DPP6: variants seen among roughly 807,000 people sequenced by gnomAD.
The protein encoded by DPP6 is dipeptidyl peptidase like 6.
A neutral mutation model predicts 122.6 loss-of-function variants in DPP6; 69 were observed. That is an observed-to-expected ratio of 0.56 (90% confidence interval 0.46 to 0.69). DPP6 has a LOEUF of 0.69. DPP6 is among the 30% of genes least tolerant of loss of function. The pLI is 0.00. For synonymous variants in DPP6, 418 were observed against 433.1 expected (o/e 0.97, Z 0.43); for missense variants, 928 against 1,116.9 (o/e 0.83, Z 2.41).
the DPP6 span, among the ~76,000 whole-genome samples, chr7:153,846,276 G>A: frequency 6.6e-6 from 1 of 152,142 alleles, no homozygotes; most frequent in Non-Finnish European, 1.5e-5. Context: ...ATTCCCAGAA[G>A]TGTCTGTTCA....
chr7:154,046,603 A>G (rs769015514), intron 1 of DPP6, among the ~76,000 whole-genome samples: 19 of 152,210 alleles, frequency 1.2e-4, no homozygotes, highest in Non-Finnish European at 2.5e-4. Flanking sequence ...GTCCCACTGA[A>G]CATCTGAAAA....
intron 21 of DPP6, chr7:154,884,051 T>C (rs1805805920): frequency 1.5e-5 from 1 of 68,108 alleles, no homozygotes. Flanking sequence ...TGCTCACACA[T>C]ACCCATACAT....
At chr7:154,687,877 A>G (rs932008007) in intron 7 of DPP6, among the ~76,000 whole-genome samples, 6 of 152,200 alleles carry the variant, frequency 3.9e-5, no homozygotes, top group East Asian at 1.9e-4. Flanking sequence ...GCTTACAATT[A>G]TCTTTCCCTA....
At chr7:153,888,356 C>T (rs887095543) in intron 1 of DPP6, among the ~76,000 whole-genome samples, 11 of 152,236 alleles carry the variant, frequency 7.2e-5, no homozygotes, top group African/African-American at 2.2e-4. Flanking sequence ...GGCCGCGTGC[C>T]TGGAAACGCG....
At chr7:153,860,453 C>A in the DPP6 span, among the ~76,000 whole-genome samples, 1 of 152,132 alleles carries the variant, frequency 6.6e-6, no homozygotes, top group Admixed American at 6.5e-5. Context: ...TTGCACCCAA[C>A]TCCCTGCCCA....
At chr7:154,722,205 C>T (rs1402351450) in intron 7 of DPP6, among the ~76,000 whole-genome samples, 1 of 152,174 alleles carries the variant, frequency 6.6e-6, no homozygotes, top group Non-Finnish European at 1.5e-5. Flanking sequence ...CCAAAAACAA[C>T]AACAACAAAA....
chr7:153,922,849 C>T (rs1253703782), intron 1 of DPP6, among the ~76,000 whole-genome samples: 5 of 152,214 alleles, frequency 3.3e-5, no homozygotes, highest in South Asian at 2.1e-4. Flanking sequence ...AGCACTCTGA[C>T]GTGTCTGACA....
At chr7:154,645,808 C>T (rs1372674298) in intron 6 of DPP6, among the ~76,000 whole-genome samples, 2 of 152,012 alleles carry the variant, frequency 1.3e-5, no homozygotes, top group Non-Finnish European at 2.9e-5. Flanking sequence ...GCGGGTGGAT[C>T]ACAAAGTCAG....
chr7:154,156,207 G>A (rs1237688875), intron 1 of DPP6, among the ~76,000 whole-genome samples: 1 of 152,256 alleles, frequency 6.6e-6, no homozygotes, highest in African/African-American at 2.4e-5. Flanking sequence ...CCAGGAGAGT[G>A]GGGAGGTGAG....
intron 1 of DPP6, among the ~76,000 whole-genome samples, chr7:154,298,257 T>C (rs926312042): frequency 2.0e-5 from 2 of 98,596 alleles, no homozygotes; most frequent in Non-Finnish European, 4.6e-5. Context: ...TAAAAATCTG[T>C]CTCTCTCTCT....
At chr7:154,726,432 AGACTTGG>A (rs1293471978) in intron 7 of DPP6, among the ~76,000 whole-genome samples, 13 of 152,336 alleles carry the variant, frequency 8.5e-5, no homozygotes, top group Middle Eastern at 3.4e-3. Context: ...GAAGCCACCA[AGACTTGG>A]GGCTTGCACC....
chr7:154,581,381 C>T (rs1447933781), intron 5 of DPP6, among the ~76,000 whole-genome samples: 2 of 152,026 alleles, frequency 1.3e-5, no homozygotes, highest in Non-Finnish European at 2.9e-5. Flanking sequence ...GAGTAAAGAG[C>T]CTGGAAGGGC....
At position 154,650,074 on chromosome 7, in the gene DPP6, T is replaced by C. The variant is rs529938481; in HGVS notation, c.680+12201T>C. On this transcript the variant is annotated intron_variant, in intron 6 of 25. Transcript: ENST00000377770. ...GTGATTCATGCCTATAATCCCAGCA[T>C]TTGGGGAGGTCAACGTGGGAGGATC... Among the ~76,000 whole-genome samples, 8 of 152,210 alleles carry C rather than the reference T, an allele frequency of 5.3e-5. No individual in the cohort carries two copies. In the South Asian group the frequency reaches 1.7e-3, roughly 32 times the overall value.
chr7:153,796,789 G>A, the DPP6 span, among the ~76,000 whole-genome samples: 15 of 152,176 alleles, frequency 9.9e-5, no homozygotes, highest in East Asian at 5.8e-4. Flanking sequence ...GCAGTACTCC[G>A]TGTATATCAT....
intron 1 of DPP6, among the ~76,000 whole-genome samples, chr7:154,431,451 CTTTTCTTTTCTTTTCTTTTCTT>C (rs1316756066): frequency 0.027 from 402 of 14,972 alleles, 23 homozygotes; most frequent in South Asian, 0.078. Flanking sequence ...CCTTTCTTTT[CTTTTCTTTTCTTTTCTTTTCTT>C]TTCTTTTCTT....
chr7:153,859,782 C>T, the DPP6 span, among the ~76,000 whole-genome samples: 1 of 152,132 alleles, frequency 6.6e-6, no homozygotes, highest in Non-Finnish European at 1.5e-5. Context: ...TGGCAGAAGG[C>T]ACCTCTTCAC....
At chr7:154,823,228 C>G (rs1339688065) in intron 16 of DPP6, among the ~76,000 whole-genome samples, 1 of 152,082 alleles carries the variant, frequency 6.6e-6, no homozygotes, top group Non-Finnish European at 1.5e-5. Context: ...ATTTTTTAAA[C>G]AGAAATGTTG....
chr7:154,531,188 A>G (rs1827812898), intron 3 of DPP6, among the ~76,000 whole-genome samples: 1 of 152,192 alleles, frequency 6.6e-6, no homozygotes. Flanking sequence ...AATTTAAAAT[A>G]AAAGTTGAAG....
intron 1 of DPP6, among the ~76,000 whole-genome samples, chr7:154,143,645 A>G (rs969715154): frequency 2.6e-5 from 4 of 152,158 alleles, no homozygotes; most frequent in African/African-American, 7.2e-5. Flanking sequence ...ATTTAACTAC[A>G]TTTATGCATA....
Sources: gnomAD v4.1 joint callset for allele counts (sites outside exome capture counted in the v4.1 genomes callset) on GRCh38, gnomAD v4.1.1 for gene constraint, MANE v1.5 for transcripts, NCBI Gene and HGNC (gene_info 2026-07-23, HGNC 2026-07-21) for gene names.